CCL17: variants seen among roughly 807,000 people sequenced by gnomAD.
CCL17 encodes C-C motif chemokine ligand 17, also known as C-C motif chemokine 17.
In CCL17, 8 loss-of-function variants were observed where a neutral mutation model predicts 7.4. That is an observed-to-expected ratio of 1.09 (90% CI 0.64 to 1.96). The LOEUF is 1.96. Among genes scored for constraint, CCL17 ranks in the 30% most tolerant of loss-of-function variants. CCL17 has a pLI of 0.00. For missense variants in CCL17, 102 were observed against 113.0 expected (o/e 0.90, Z 0.44); for synonymous variants, 40 against 46.1 (o/e 0.87, Z 0.54).
At chr16:57,409,928 A>G (rs1902757120) in intron 1 of CCL17, among the ~76,000 whole-genome samples, 3 of 152,164 alleles carry the variant, frequency 2.0e-5, no homozygotes, top group Admixed American at 2.0e-4. Flanking sequence ...TTCAGCTGTC[A>G]GCGATGGAGA....
upstream of CCL17, among the ~76,000 whole-genome samples, chr16:57,401,057 T>A (rs1902584886): frequency 1.3e-5 from 2 of 152,070 alleles, no homozygotes; most frequent in African/African-American, 4.8e-5. Context: ...CTTCTTCTTC[T>A]TCTTCTTCTT....
At chr16:57,404,354 G>A (rs1261916013), upstream of CCL17, among the ~76,000 whole-genome samples, 1 of 152,164 alleles carries the variant, frequency 6.6e-6, no homozygotes, top group Non-Finnish European at 1.5e-5. Context: ...GATTGATGCT[G>A]GTTTCTGGGT....
At chr16:57,408,502 T>C (rs1203364649) in intron 1 of CCL17, among the ~76,000 whole-genome samples, 2 of 151,976 alleles carry the variant, frequency 1.3e-5, no homozygotes, top group African/African-American at 4.8e-5. Flanking sequence ...GCCTCAACTT[T>C]CCTGATGTAG....
intron 1 of CCL17, among the ~76,000 whole-genome samples, chr16:57,410,113 C>T (rs1483276700): frequency 6.6e-6 from 1 of 152,180 alleles, no homozygotes; most frequent in Non-Finnish European, 1.5e-5. Context: ...GAGCTGCCGC[C>T]CCAGCCGCTT....
chr16:57,411,604 A>G (rs1242397789), intron 1 of CCL17, among the ~76,000 whole-genome samples: 1 of 152,172 alleles, frequency 6.6e-6, no homozygotes, highest in Admixed American at 6.5e-5. Context: ...AGCACAGAAG[A>G]GCAATTGGTG....
At chr16:57,399,875 C>T (rs540625935), upstream of CCL17, among the ~76,000 whole-genome samples, 256 of 152,308 alleles carry the variant, frequency 1.7e-3, 6 homozygotes, top group South Asian at 0.025. Flanking sequence ...GTTACCAAAA[C>T]ACCATGGGTG....
intron 1 of CCL17, among the ~76,000 whole-genome samples, chr16:57,405,776 G>A (rs1340056125): frequency 6.6e-6 from 1 of 151,992 alleles, no homozygotes; most frequent in Non-Finnish European, 1.5e-5. Flanking sequence ...GCTCACGCCT[G>A]TAATCCCAGC....
At chr16:57,404,654 A>G (rs1195165973), upstream of CCL17, 6 of 152,878 alleles carry the variant, frequency 3.9e-5, no homozygotes, top group Admixed American at 3.9e-4. Flanking sequence ...TGATATTTAA[A>G]GTCAGAAACG....
At chr16:57,410,855 C>A (rs182640206) in intron 1 of CCL17, among the ~76,000 whole-genome samples, 25 of 152,330 alleles carry the variant, frequency 1.6e-4, no homozygotes, top group African/African-American at 5.8e-4. Context: ...TCAGGTGACA[C>A]TGAAGGTTCA....
chr16:57,410,213 C>T (rs1902762112), intron 1 of CCL17, among the ~76,000 whole-genome samples: 1 of 152,194 alleles, frequency 6.6e-6, no homozygotes, highest in African/African-American at 2.4e-5. Context: ...GGGGTTGGGG[C>T]AGGAACCTTC....
chr16:57,413,142 C>G (rs1902811813), intron 1 of CCL17, among the ~76,000 whole-genome samples: 1 of 152,134 alleles, frequency 6.6e-6, no homozygotes, highest in African/African-American at 2.4e-5. Flanking sequence ...TGTTCTGTAT[C>G]TTAGTGTAAG....
upstream of CCL17, among the ~76,000 whole-genome samples, chr16:57,403,558 TA>T (rs1902644052): frequency 1.8e-5 from 1 of 54,282 alleles, no homozygotes; most frequent in Non-Finnish European, 3.2e-5. Context: ...ATTTTATATA[TA>T]TATAATATAT....
intron 2 of CCL17, among the ~76,000 whole-genome samples, chr16:57,414,410 C>CTTTTTTTTTTT (rs71152269): frequency 2.6e-5 from 2 of 75,994 alleles, no homozygotes; most frequent in East Asian, 5.1e-4. Context: ...AAAAAGGATT[C>CTTTTTTTTTTT]TTTTTTTTTT....
chr16:57,411,010 C>T (rs949522470), intron 1 of CCL17, among the ~76,000 whole-genome samples: 2 of 152,208 alleles, frequency 1.3e-5, no homozygotes, highest in South Asian at 2.1e-4. Context: ...CCTAATTTAT[C>T]TCTGCACATT....
At chr16:57,403,486 TA>T (rs1902637415), upstream of CCL17, among the ~76,000 whole-genome samples, 1 of 2,696 alleles carries the variant, frequency 3.7e-4, no homozygotes, top group South Asian at 0.022. Context: ...TATTATATAA[TA>T]ATATATATAT....
chr16:57,402,678 A>G (rs1902609591), upstream of CCL17, among the ~76,000 whole-genome samples: 1 of 152,196 alleles, frequency 6.6e-6, no homozygotes, highest in South Asian at 2.1e-4. Flanking sequence ...GCACTCATTT[A>G]CAAGGCTTGA....
upstream of CCL17, chr16:57,404,713 G>A (rs1902669135): frequency 6.5e-6 from 1 of 154,222 alleles, no homozygotes; most frequent in Admixed American, 6.5e-5. Context: ...GCAAACCAAA[G>A]CCTTCTAATG....
upstream of CCL17, among the ~76,000 whole-genome samples, chr16:57,403,572 T>A (rs1283411364): frequency 3.5e-5 from 2 of 56,526 alleles, no homozygotes; most frequent in Non-Finnish European, 6.1e-5. Flanking sequence ...TAATATATAT[T>A]TATAATATAT....
At chr16:57,413,350 GC>G (rs1396399308) in intron 1 of CCL17, among the ~76,000 whole-genome samples, 5 of 152,144 alleles carry the variant, frequency 3.3e-5, no homozygotes, top group Non-Finnish European at 5.9e-5. Context: ...ATGTGCCCAT[GC>G]CCGGCAGCCA....
Sources: allele counts gnomAD v4.1 joint callset (sites outside exome capture counted in the v4.1 genomes callset), GRCh38; gene constraint gnomAD v4.1.1; transcripts MANE v1.5; gene names NCBI Gene and HGNC (gene_info 2026-07-23, HGNC 2026-07-21).